The following CYP4F12 variants were observed in gnomAD, a reference collection of about 807,000 sequenced individuals.
CYP4F12 encodes the protein cytochrome P450 4F12.
CYP4F12 carries 60 observed loss-of-function variants against 56.5 expected under a neutral mutation model. That is an observed-to-expected ratio of 1.06 (90% CI 0.86 to 1.32). CYP4F12 has a LOEUF of 1.32. CYP4F12 is among the 40% of genes most tolerant of loss of function. The probability of loss-of-function intolerance (pLI) is 0.00; values close to 1 mark genes in which losing one functional copy is unlikely to be tolerated. For missense variants in CYP4F12, 711 were observed against 683.5 expected, an observed-to-expected ratio of 1.04 and a Z score of -0.45; for synonymous variants, 263 against 264.9, an observed-to-expected ratio of 0.99 and a Z score of 0.07.
chr19:15,673,381 T>C, intron 1 of CYP4F12, 148 bp from the exon 2 acceptor site: 1 of 864,670 alleles, frequency 1.2e-6, no homozygotes, highest in Non-Finnish European at 1.8e-6. Flanking sequence ...GTTGGGACTT[T>C]CTGGACTTCA....
chr19:15,676,258 G>C (rs1010707477), intron 2 of CYP4F12, among the ~76,000 whole-genome samples: 19 of 146,270 alleles, frequency 1.3e-4, no homozygotes, highest in African/African-American at 4.7e-4. Context: ...TGGGAACCCA[G>C]AGAACCAAGG....
chr19:15,684,727 A>G, intron 7 of CYP4F12, 89 bp from the exon 8 acceptor site: 8 of 1,276,000 alleles, frequency 6.3e-6, no homozygotes, highest in Non-Finnish European at 8.8e-6. Flanking sequence ...ATCTCAGGTT[A>G]GACTCCGGAG....
At chr19:15,689,538 C>T (rs182333736) in intron 9 of CYP4F12, among the ~76,000 whole-genome samples, 12 of 152,272 alleles carry the variant, frequency 7.9e-5, no homozygotes, top group East Asian at 3.9e-4. Flanking sequence ...CTGTGGAAAA[C>T]GATAAGGATA....
At chr19:15,689,691 G>A (rs1315562139) in intron 9 of CYP4F12, among the ~76,000 whole-genome samples, 6 of 152,168 alleles carry the variant, frequency 3.9e-5, no homozygotes, top group Non-Finnish European at 8.8e-5. Context: ...GTAAAGGTAC[G>A]GAACCAACCT....
At chr19:15,685,511 C>T (rs530677711) in intron 9 of CYP4F12, among the ~76,000 whole-genome samples, 2 of 152,272 alleles carry the variant, frequency 1.3e-5, no homozygotes, top group Admixed American at 6.5e-5. Flanking sequence ...TCAGTTTTTT[C>T]GAAAATCCTC....
chr19:15,683,720 A>T lies in CYP4F12; in HGVS notation c.875A>T (p.Lys292Met). The T allele has an allele frequency of 4.4e-6, 7 of 1,593,010 alleles. No individual in the cohort carries two copies. The highest frequency in any genetic ancestry group is 6.0e-6 in the Non-Finnish European group (7 of 1,170,684). The part of the protein sequence containing the change: ...GIDDFFKDKA[K>M]SKTLDFIDVL... ...GATGATTTTTTCAAAGACAAAGCCA[A>T]GTCCAAGACTTTGGATTTCATTGAT... is the stretch of plus-strand genomic sequence containing the variant. The change falls in exon 7 of 13, where the codon AAG becomes ATG. Residue 292 changes from lysine (K) to methionine (M), a missense_variant. Physicochemically the swap from Lys to Met is moderately conservative, Grantham distance 95 (BLOSUM62 -1). Coordinates refer to ENST00000550308, the MANE Select transcript of CYP4F12 (RefSeq NM_023944.4).
chr19:15,686,577 T>A (rs1328248848), intron 9 of CYP4F12, among the ~76,000 whole-genome samples: 3 of 152,024 alleles, frequency 2.0e-5, no homozygotes, highest in Non-Finnish European at 4.4e-5. Context: ...GGAACTGAGT[T>A]GTGATGAGAT....
chr19:15,692,088 A>C (rs926933167), intron 9 of CYP4F12, among the ~76,000 whole-genome samples: 4 of 152,050 alleles, frequency 2.6e-5, no homozygotes, highest in Non-Finnish European at 5.9e-5. Context: ...CCTCCCGAGT[A>C]ACTGGGACTA....
chr19:15,697,067 G>A lies in CYP4F12; in HGVS notation c.1557G>A (p.Leu519=). The A allele has an allele frequency of 2.5e-6, 4 of 1,613,738 alleles. No homozygotes were observed. The South Asian group carries it at 4.4e-5, about 18-fold the overall frequency. The change falls in exon 13 of 13, where the codon CTG becomes CTA. Residue 519 remains leucine (L), a synonymous_variant. Transcript: ENST00000550308. ...EGGLWLRVEP[L]NVSLQ is the part of the protein sequence containing the mutation. ...GGCTTTGGCTGCGGGTGGAGCCCCTGAATGTAAGCTTGCAGTGACTTTCTG... is the reference window on the plus strand; with the variant it reads ...GGCTTTGGCTGCGGGTGGAGCCCCTAAATGTAAGCTTGCAGTGACTTTCTG...
intron 9 of CYP4F12, among the ~76,000 whole-genome samples, chr19:15,690,784 C>T (rs1209531979): frequency 6.6e-6 from 1 of 152,162 alleles, no homozygotes; most frequent in Admixed American, 6.6e-5. Context: ...CACAGATAGA[C>T]AAGGGTTATT....
At chr19:15,689,583 A>T (rs2144751625) in intron 9 of CYP4F12, among the ~76,000 whole-genome samples, 1 of 152,350 alleles carries the variant, frequency 6.6e-6, no homozygotes, top group South Asian at 2.1e-4. Context: ...CTACCATTCC[A>T]TCCAGCAATC....
intron 2 of CYP4F12, among the ~76,000 whole-genome samples, chr19:15,675,430 G>A (rs2006870282): frequency 6.6e-6 from 1 of 152,162 alleles, no homozygotes; most frequent in Non-Finnish European, 1.5e-5. Context: ...CCCTCAGGAC[G>A]CAGGCCCTTT....
chr19:15,687,447 A>G (rs1274851489), intron 9 of CYP4F12, among the ~76,000 whole-genome samples: 3 of 152,172 alleles, frequency 2.0e-5, no homozygotes, highest in African/African-American at 7.2e-5. Context: ...CTTTTTCCCA[A>G]GATGGTGGGT....
Position 15,677,692 on chromosome 19 carries a change from C to CCCA in CYP4F12, c.199-568_199-567insCAC, listed in dbSNP as rs2007039415. On this transcript the variant is annotated intron_variant, in intron 2 of 12. Coordinates refer to ENST00000550308, the MANE Select transcript of CYP4F12 (RefSeq NM_023944.4). The stretch of plus-strand genomic sequence containing the variant: ...CCTCTCCTCACTCACTCATTCCTCT[C>CCCA]CTCCCTCACTTATTCCTCTACCCAC... Among the ~76,000 whole-genome samples the CCCA allele has an allele frequency of 6.2e-3, 15 of 2,424 alleles. 1 individual carries two copies. Among genetic ancestry groups the CCCA allele is most frequent in the African/African-American group, 0.021 (15 of 706 alleles). The allele number at this position is 2,424 out of a possible 152,430, so 1.6% of individuals were successfully genotyped here. A position where few individuals can be genotyped will look rare whatever the true frequency, so the allele number is the denominator to read the frequency against.
intron 2 of CYP4F12, among the ~76,000 whole-genome samples, chr19:15,675,278 A>C (rs1485195064): frequency 1.5e-5 from 2 of 134,670 alleles, no homozygotes; most frequent in Non-Finnish European, 3.2e-5. Context: ...TACAAAAGGC[A>C]GGATTGATCG....
In CYP4F12 at chr19:15,678,338, G is replaced by T. The variant is rs2007096047; in HGVS notation, c.276G>T (p.Leu92=). The T allele has an allele frequency of 6.2e-7, 1 of 1,614,056 alleles. No individual in the cohort carries two copies. The highest frequency in any genetic ancestry group is 8.5e-7 in the Non-Finnish European group (1 of 1,180,032). ...ATYSQGFTVW[L]GPIIPFIVLC... ...ATTCCCAGGGCTTTACGGTATGGCT[G>T]GGTCCCATCATCCCCTTCATCGTTT... Residue 92 remains leucine, a synonymous_variant, in exon 3 of 13, where the codon CTG becomes CTT. Transcript: ENST00000550308.
rs532938763 is a variant in CYP4F12 at position 15,693,635 on chromosome 19, C to G, written c.1116-2301C>G. Reference sequence around the variant, plus strand: ...TGCGAAAATTTTCTCCCATTTTGTACGTTGCCTGTTCACTCTGATGGTAGT... The same window carrying G: ...TGCGAAAATTTTCTCCCATTTTGTAGGTTGCCTGTTCACTCTGATGGTAGT... On this transcript the variant is annotated intron_variant, in intron 9 of 12. Transcript: ENST00000550308. Among the ~76,000 whole-genome samples, 1,201 of 149,220 alleles carry G rather than the reference C, an allele frequency of 8.0e-3. 14 individuals carry two copies. Among genetic ancestry groups the G allele is most frequent in the Non-Finnish European group, 7.5e-3 (509 of 67,426 alleles).
chr19:15,683,425 G>A, intron 6 of CYP4F12, 68 bp from the exon 7 acceptor site: 1 of 1,504,004 alleles, frequency 6.6e-7, no homozygotes, highest in Non-Finnish European at 8.9e-7. Context: ...CCTGGCTGCT[G>A]GTGGGAGGTG....
rs1315950538 is a variant in CYP4F12, at chr19:15,695,968, T to C, written c.1148T>C (p.Met383Thr). ...CTGGCCCAGCTGCCCTTCCTGACCA[T>C]GTGCGTGAAGGAGAGCCTGAGGTTA... is the stretch of plus-strand genomic sequence containing the variant. ...DDLAQLPFLT[M>T]CVKESLRLHP... Residue 383 changes from methionine (M) to threonine (T), a missense_variant, in exon 10 of 13, where the codon ATG (methionine) becomes ACG (threonine). Coordinates refer to ENST00000550308, the MANE Select transcript of CYP4F12 (RefSeq NM_023944.4). 3.7e-6 allele frequency: 6 copies of C among 1,613,806 alleles called. No individual in the cohort carries two copies. Among genetic ancestry groups the C allele is most frequent in the Non-Finnish European group, 5.1e-6 (6 of 1,179,934 alleles).
Sources: allele counts gnomAD v4.1 joint callset (sites outside exome capture counted in the v4.1 genomes callset), GRCh38; gene constraint gnomAD v4.1.1; transcripts MANE v1.5; gene names NCBI Gene and HGNC (gene_info 2026-07-23, HGNC 2026-07-21).